The following CPED1 variants were observed in gnomAD, a reference collection of about 807,000 sequenced individuals.
CPED1 encodes cadherin-like and PC-esterase domain-containing protein 1.
CPED1 carries 114 observed loss-of-function variants against 128.2 expected under a neutral mutation model. The observed-to-expected ratio is 0.89, with a 90% confidence interval of 0.76 to 1.04. The LOEUF is 1.04. CPED1 is among the 50% of genes least tolerant of loss of function. The pLI is 0.00. For synonymous variants in CPED1, 462 were observed against 426.7 expected, an observed-to-expected ratio of 1.08 and a Z score of -1.02; for missense variants, 1,211 against 1,207.1, an observed-to-expected ratio of 1.00 and a Z score of -0.05.
At chr7:121,241,504 G>A (rs1367792394) in intron 17 of CPED1, among the ~76,000 whole-genome samples, 2 of 151,928 alleles carry the variant, frequency 1.3e-5, no homozygotes, top group Non-Finnish European at 1.5e-5. Context: ...TAGCAGTACG[G>A]CCATTCTCTA....
At chr7:121,119,310 A>G (rs1795328255) in intron 7 of CPED1, among the ~76,000 whole-genome samples, 1 of 150,646 alleles carries the variant, frequency 6.6e-6, no homozygotes, top group Non-Finnish European at 1.5e-5. Flanking sequence ...ACTCACTGCA[A>G]GCTCCGCCTC....
intron 2 of CPED1, among the ~76,000 whole-genome samples, chr7:121,008,422 T>A (rs184250168): frequency 2.0e-5 from 3 of 152,300 alleles, no homozygotes; most frequent in Admixed American, 6.5e-5. Flanking sequence ...AAAAGTATTA[T>A]GGTACTGGCC....
At chr7:121,028,399 A>G (rs930762111) in intron 3 of CPED1, among the ~76,000 whole-genome samples, 28 of 152,176 alleles carry the variant, frequency 1.8e-4, no homozygotes, top group Non-Finnish European at 1.5e-5. Flanking sequence ...CCTTGCCAGG[A>G]CCCTGAATCA....
intron 5 of CPED1, among the ~76,000 whole-genome samples, chr7:121,071,222 T>C (rs1385989424): frequency 6.6e-6 from 1 of 152,154 alleles, no homozygotes; most frequent in Non-Finnish European, 1.5e-5. Context: ...TGGAAACCTC[T>C]GGATAAATTT....
chr7:121,018,767 G>T (rs1162163890), intron 3 of CPED1, among the ~76,000 whole-genome samples: 1 of 151,970 alleles, frequency 6.6e-6, no homozygotes, highest in Admixed American at 6.6e-5. Flanking sequence ...TATACTTGAA[G>T]AGTAGTACAT....
chr7:121,167,572 A>C (rs529878571), intron 16 of CPED1, among the ~76,000 whole-genome samples: 4 of 152,324 alleles, frequency 2.6e-5, no homozygotes, highest in East Asian at 1.9e-4. Flanking sequence ...CTTAATGAAG[A>C]GAATAGATGC....
intron 5 of CPED1, among the ~76,000 whole-genome samples, chr7:121,081,772 G>A (rs1488239984): frequency 6.6e-6 from 1 of 151,830 alleles, no homozygotes; most frequent in Non-Finnish European, 1.5e-5. Context: ...TAATTATGGT[G>A]GGCTTTATGA....
At chr7:120,997,941 ATAAAAT>A (rs1796437653) in intron 2 of CPED1, among the ~76,000 whole-genome samples, 1 of 130,670 alleles carries the variant, frequency 7.7e-6, no homozygotes, top group African/African-American at 3.5e-5. Context: ...ATAAAATAAA[ATAAAAT>A]AAAATAAAAT....
chr7:120,989,709 T>C lies in CPED1; in HGVS notation c.88T>C (p.Tyr30His). ...VGLVVAICLF[Y>H]QTLTLRGSRK... is the part of the protein sequence containing the mutation. ...CTTAGTGGTGGCAATCTGTCTCTTC[T>C]ACCAGACTCTGACCCTCCGAGGGTC... Residue 30 changes from tyrosine (Y) to histidine (H), a missense_variant, in exon 2 of 23, where the codon TAC becomes CAC. Coordinates refer to ENST00000310396, the MANE Select transcript of CPED1 (RefSeq NM_024913.5). 6.2e-7 allele frequency: 1 copy of C among 1,613,962 alleles called. No individual in the cohort carries two copies. Among genetic ancestry groups the C allele is most frequent in the Non-Finnish European group, 8.5e-7 (1 of 1,179,996 alleles).
At chr7:121,054,355 TG>T (rs1231675093) in intron 4 of CPED1, among the ~76,000 whole-genome samples, 1 of 152,206 alleles carries the variant, frequency 6.6e-6, no homozygotes, top group Admixed American at 6.5e-5. Context: ...GTGAGAAAAT[TG>T]GATCTCATTT....
intron 3 of CPED1, among the ~76,000 whole-genome samples, chr7:121,041,649 C>A (rs1406854303): frequency 6.6e-6 from 1 of 152,060 alleles, no homozygotes; most frequent in Non-Finnish European, 1.5e-5. Flanking sequence ...TGCTTTATGG[C>A]AGCCTGTCTA....
chr7:120,996,183 C>G (rs1381497683), intron 2 of CPED1, among the ~76,000 whole-genome samples: 1 of 151,988 alleles, frequency 6.6e-6, no homozygotes, highest in African/African-American at 2.4e-5. Context: ...ACTCGAGAGG[C>G]CAAGGTGGGA....
At chr7:121,005,320 A>G (rs933731240) in intron 2 of CPED1, among the ~76,000 whole-genome samples, 1 of 152,118 alleles carries the variant, frequency 6.6e-6, no homozygotes, top group African/African-American at 2.4e-5. Context: ...TTCTTTATCC[A>G]GTCTATCTTT....
chr7:120,992,343 C>A (rs938496989), intron 2 of CPED1, among the ~76,000 whole-genome samples: 1 of 152,002 alleles, frequency 6.6e-6, no homozygotes, highest in Non-Finnish European at 1.5e-5. Context: ...TTACTTAAAC[C>A]AGCTGATTTT....
chr7:121,208,851 T>C (rs1300781398), intron 16 of CPED1, among the ~76,000 whole-genome samples: 1 of 151,976 alleles, frequency 6.6e-6, no homozygotes, highest in African/African-American at 2.4e-5. Context: ...AGAAAAGGAA[T>C]CCTGTTTCAA....
At chr7:121,265,044 G>A (rs933910712) in intron 18 of CPED1, among the ~76,000 whole-genome samples, 5 of 152,048 alleles carry the variant, frequency 3.3e-5, no homozygotes, top group Admixed American at 6.6e-5. Flanking sequence ...TTGTGGCTAG[G>A]GGCACTGGAT....
At chr7:121,140,563 T>C (rs1365354809) in intron 14 of CPED1, among the ~76,000 whole-genome samples, 2 of 151,966 alleles carry the variant, frequency 1.3e-5, no homozygotes, top group African/African-American at 2.4e-5. Flanking sequence ...CTTTAAACTT[T>C]CAAGGGCTGA....
At chr7:121,177,008 A>G (rs1796798174) in intron 16 of CPED1, among the ~76,000 whole-genome samples, 1 of 152,076 alleles carries the variant, frequency 6.6e-6, no homozygotes. Flanking sequence ...CTAGGAAGTA[A>G]GAGAACTCTG....
chr7:121,045,932 G>T (rs1215763046), intron 3 of CPED1, among the ~76,000 whole-genome samples: 1 of 151,988 alleles, frequency 6.6e-6, no homozygotes, highest in Non-Finnish European at 1.5e-5. Context: ...TCTCCATGAG[G>T]TAATGTGTTT....
Sources: gnomAD v4.1 joint callset for allele counts (sites outside exome capture counted in the v4.1 genomes callset) on GRCh38, gnomAD v4.1.1 for gene constraint, MANE v1.5 for transcripts, NCBI Gene and HGNC (gene_info 2026-07-23, HGNC 2026-07-21) for gene names.